ABLIM2: variants seen among roughly 807,000 people sequenced by gnomAD.
ABLIM2 encodes the protein actin binding LIM protein family member 2.
ABLIM2 carries 53 observed loss-of-function variants against 97.7 expected under a neutral mutation model. The observed-to-expected ratio is 0.54, with a 90% CI of 0.44 to 0.68. The LOEUF (loss-of-function observed/expected upper bound fraction) is 0.68. ABLIM2 is among the 30% of genes least tolerant of loss of function. The probability of loss-of-function intolerance (pLI) is 0.00; values close to 1 mark genes in which losing one functional copy is unlikely to be tolerated. For synonymous variants in ABLIM2, 361 were observed against 345.8 expected (o/e 1.04, Z -0.49); for missense variants, 835 against 867.2 (o/e 0.96, Z 0.47).
intron 20 of ABLIM2, among the ~76,000 whole-genome samples, chr4:7,976,279 C>T (rs889346960): frequency 9.2e-5 from 14 of 152,166 alleles, no homozygotes; most frequent in African/African-American, 3.4e-4. Flanking sequence ...CCTTCGACTT[C>T]CCACAGATCA....
intron 20 of ABLIM2, among the ~76,000 whole-genome samples, chr4:7,972,912 A>G (rs1450175689): frequency 1.3e-5 from 2 of 152,074 alleles, no homozygotes; most frequent in Non-Finnish European, 2.9e-5. Flanking sequence ...ATGAGTTTAA[A>G]CAAAGGAGAT....
intron 17 of ABLIM2, among the ~76,000 whole-genome samples, chr4:7,991,726 T>A (rs939234147): frequency 6.6e-6 from 1 of 152,082 alleles, no homozygotes; most frequent in African/African-American, 2.4e-5. Flanking sequence ...GTTTGCTAGA[T>A]TCAAACCATG....
intron 1 of ABLIM2, among the ~76,000 whole-genome samples, chr4:8,144,119 C>A (rs1473759487): frequency 6.6e-6 from 1 of 152,222 alleles, no homozygotes; most frequent in Non-Finnish European, 1.5e-5. Flanking sequence ...CTGCTGGCAT[C>A]TCCTGCTGGG....
At chr4:8,103,422 A>G (rs962880126) in intron 2 of ABLIM2, among the ~76,000 whole-genome samples, 4 of 152,278 alleles carry the variant, frequency 2.6e-5, no homozygotes, top group African/African-American at 9.6e-5. Flanking sequence ...CACTGAAGGC[A>G]GAGCTTTCCC....
chr4:8,146,997 C>A (rs1043417127), intron 1 of ABLIM2, among the ~76,000 whole-genome samples: 5 of 152,194 alleles, frequency 3.3e-5, no homozygotes, highest in African/African-American at 1.2e-4. Flanking sequence ...CAGTGTTCTG[C>A]GGTTGGACAT....
In ABLIM2 at chr4:8,002,799, G is replaced by A. The variant is rs549570787; in HGVS notation, c.1618+5260C>T. Among the ~76,000 whole-genome samples, 7 of 152,110 alleles carry A rather than the reference G, an allele frequency of 4.6e-5. No homozygotes were observed. The highest frequency in any genetic ancestry group is 7.2e-5 in the African/African-American group (3 of 41,422). On this transcript the variant is annotated intron_variant, in intron 16 of 20. Transcript: ENST00000447017. The surrounding 1 kb of genome is among the most constrained non-coding windows in gnomAD (Gnocchi z 6.1). Reference sequence around the variant, plus strand: ...GGCCCTCACTGTTCTTCCAACCCACGGCCCGGCCTCCGCCCTGGGTGATGC... The same window carrying A: ...GGCCCTCACTGTTCTTCCAACCCACAGCCCGGCCTCCGCCCTGGGTGATGC...
intron 3 of ABLIM2, among the ~76,000 whole-genome samples, chr4:8,091,753 ATAT>A (rs1301983339): frequency 2.3e-5 from 2 of 85,586 alleles, no homozygotes; most frequent in Admixed American, 2.0e-4. Context: ...TTATATATTA[ATAT>A]TATATATTTA....
intron 1 of ABLIM2, among the ~76,000 whole-genome samples, chr4:8,139,992 T>A (rs1477473937): frequency 6.6e-6 from 1 of 151,318 alleles, no homozygotes; most frequent in Non-Finnish European, 1.5e-5. Context: ...CTTAGCAAAC[T>A]AACACAGGAA....
intron 12 of ABLIM2, among the ~76,000 whole-genome samples, chr4:8,024,620 A>T (rs528284802): frequency 1.2e-4 from 18 of 152,284 alleles, no homozygotes; most frequent in African/African-American, 3.8e-4. Flanking sequence ...ACTGGAGCCC[A>T]TGGCTGCAGA....
rs535581560 is a variant in ABLIM2 at position 8,015,316 on chromosome 4, A to G, written c.1423+4302T>C. ...TGTATCACACAGACAGTTCCTTCAGAGCCCCAAAATGCGTCGGCCATGAGG... is the reference window on the plus strand; with the variant it reads ...TGTATCACACAGACAGTTCCTTCAGGGCCCCAAAATGCGTCGGCCATGAGG... On this transcript the variant is annotated intron_variant, in intron 14 of 20. Coordinates refer to ENST00000447017, the MANE Select transcript of ABLIM2 (RefSeq NM_001130083.2). This position sits in a 1 kb window ranked among gnomAD's most constrained non-coding sequence, Gnocchi z 4.6. Among the ~76,000 whole-genome samples the G allele has an allele frequency of 1.4e-4, 22 of 152,058 alleles. No homozygotes were observed. The highest frequency in any genetic ancestry group is 5.3e-4 in the African/African-American group (22 of 41,468).
chr4:8,035,245 C>T (rs796167188), intron 10 of ABLIM2, among the ~76,000 whole-genome samples: 150 of 152,180 alleles, frequency 9.9e-4, no homozygotes, highest in African/African-American at 3.3e-3. Flanking sequence ...ACCTGCTGGC[C>T]CTGAGCTCTT....
At chr4:8,144,565 G>A (rs1044291004) in intron 1 of ABLIM2, among the ~76,000 whole-genome samples, 3 of 152,148 alleles carry the variant, frequency 2.0e-5, no homozygotes, top group Non-Finnish European at 2.9e-5. Context: ...GAGGGAGGGC[G>A]CCATTCAGCT....
chr4:7,985,475 C>T (rs1434331841), intron 17 of ABLIM2, among the ~76,000 whole-genome samples: 1 of 152,084 alleles, frequency 6.6e-6, no homozygotes, highest in Non-Finnish European at 1.5e-5. Context: ...TGTGGAACTC[C>T]TAGGGTATTC....
At chr4:8,007,679 G>A in intron 16 of ABLIM2, 1 of 1,028,878 alleles carries the variant, frequency 9.7e-7, no homozygotes, top group Non-Finnish European at 1.2e-6. Context: ...CTCCAAGTCT[G>A]CACTCATCAG....
chr4:8,011,286 CT>C (rs142949455), intron 14 of ABLIM2, among the ~76,000 whole-genome samples: 6,559 of 152,364 alleles, frequency 0.043, 241 homozygotes, highest in East Asian at 0.16. Flanking sequence ...ACCAAGTTTC[CT>C]TTGCAAACAC....
chr4:8,064,528 C>A (rs2152203593), intron 6 of ABLIM2, among the ~76,000 whole-genome samples: 1 of 152,344 alleles, frequency 6.6e-6, no homozygotes, highest in Admixed American at 6.5e-5. Flanking sequence ...TCACAGCCTC[C>A]ATCACTTTAG....
chr4:8,015,705 G>T lies in ABLIM2; in HGVS notation c.1423+3913C>A, dbSNP rs184355760. Among the ~76,000 whole-genome samples, 2 of 152,104 alleles carry T rather than the reference G, an allele frequency of 1.3e-5. No individual in the cohort carries two copies. The highest frequency in any genetic ancestry group is 2.9e-5 in the Non-Finnish European group (2 of 68,028). ...GACAAGTGGTGGGAGGTGTGTGTTG[G>T]GGGGTGAGGAGAGAGCTGCATTGCC... On this transcript the variant is annotated intron_variant, in intron 14 of 20. Coordinates refer to ENST00000447017, the MANE Select transcript of ABLIM2 (RefSeq NM_001130083.2). The surrounding 1 kb of genome is among the most constrained non-coding windows in gnomAD (Gnocchi z 4.6).
chr4:8,096,251 G>C, intron 3 of ABLIM2, among the ~76,000 whole-genome samples: 1 of 152,222 alleles, frequency 6.6e-6, no homozygotes, highest in East Asian at 1.9e-4. Flanking sequence ...CCTAGTTGTT[G>C]ATGGTGGCTG....
Position 8,148,646 on chromosome 4 carries a change from C to A in ABLIM2, c.10+10034G>T, listed in dbSNP as rs1160811144. On this transcript the variant is annotated intron_variant, in intron 1 of 20. Transcript: ENST00000447017. This position sits in a 1 kb window ranked among gnomAD's most constrained non-coding sequence, Gnocchi z 6.7. ...TGGGGAAGCGCGTAAGCCGTTCCCC[C>A]GTGGGCATGCACAGCAGAGTCCTGC... Among the ~76,000 whole-genome samples the A allele has an allele frequency of 6.6e-6, 1 of 152,104 alleles. No individual in the cohort carries two copies. Among genetic ancestry groups the A allele is most frequent in the East Asian group, 1.9e-4 (1 of 5,182 alleles).
Sources: allele counts gnomAD v4.1 joint callset (sites outside exome capture counted in the v4.1 genomes callset), GRCh38; gene constraint gnomAD v4.1.1; non-coding constraint Gnocchi (gnomAD v3.1); transcripts MANE v1.5; gene names NCBI Gene and HGNC (gene_info 2026-07-23, HGNC 2026-07-21).